Variants in ECPAS observed in about 807,000 individuals in gnomAD.
ECPAS encodes the protein proteasome adapter and scaffold protein ECM29.
Under a neutral mutation model 255.1 loss-of-function variants are expected in ECPAS, and 70 were observed. The ratio of observed to expected loss-of-function variants is 0.27; its 90% confidence interval spans 0.23 to 0.33. The LOEUF (loss-of-function observed/expected upper bound fraction) is 0.33, where lower values mean the gene tolerates loss of function less well. Ranked by LOEUF, ECPAS falls within the 10% of genes least tolerant of loss-of-function variation. The pLI is 1.00. For synonymous variants in ECPAS, 784 were observed against 775.0 expected (o/e 1.01, Z -0.19); for missense variants, 1,817 against 2,206.4 (o/e 0.82, Z 3.54).
At chr9:111,409,483 G>A (rs1453422519) in intron 23 of ECPAS, among the ~76,000 whole-genome samples, 1 of 151,862 alleles carries the variant, frequency 6.6e-6, no homozygotes, top group Non-Finnish European at 1.5e-5. Flanking sequence ...TCACCTGCCT[G>A]AACCTGGGAG....
chr9:111,443,273 C>CA (rs758347061), intron 4 of ECPAS, among the ~76,000 whole-genome samples: 10 of 152,156 alleles, frequency 6.6e-5, no homozygotes, highest in Non-Finnish European at 1.2e-4. Flanking sequence ...TCCCCCAAGA[C>CA]AGAGTCTCGC....
intron 2 of ECPAS, among the ~76,000 whole-genome samples, chr9:111,468,779 G>A (rs1477259828): frequency 6.6e-6 from 1 of 151,158 alleles, no homozygotes; most frequent in Admixed American, 6.7e-5. Context: ...CTAAAGTATA[G>A]GGAATTCACA....
At chr9:111,422,097 C>G (rs904736965) in intron 14 of ECPAS, 37 bp downstream of exon 14, 1 of 1,613,478 alleles carries the variant, frequency 6.2e-7, no homozygotes, top group African/African-American at 1.3e-5. Context: ...GGGGAACATC[C>G]AAACACAAAG....
chr9:111,364,874 C>T (rs1429323823), intron 48 of ECPAS, among the ~76,000 whole-genome samples: 1 of 152,170 alleles, frequency 6.6e-6, no homozygotes, highest in South Asian at 2.1e-4. Context: ...AAACATCAAA[C>T]ACCAAATGAG....
At chr9:111,364,088 G>C (rs560636842) in intron 48 of ECPAS, among the ~76,000 whole-genome samples, 23 of 152,194 alleles carry the variant, frequency 1.5e-4, no homozygotes, top group Non-Finnish European at 2.6e-4. Flanking sequence ...ACTCAGCAAA[G>C]AGAGGTCTGT....
In ECPAS at chr9:111,421,421, G is replaced by T. The variant is rs75858489; in HGVS notation, c.1455+500C>A. 1.2e-3 allele frequency among the ~76,000 whole-genome samples: 182 copies of T among 148,384 alleles called. 2 individuals are homozygous for T. In the East Asian group the frequency reaches 0.033, roughly 27 times the overall value. Reference sequence around the variant, plus strand: ...ACATATTACATATATGTGTGTGTGTGTGTGTGTGTGTGTGTGTGTGTGTGT... The same window carrying T: ...ACATATTACATATATGTGTGTGTGTTTGTGTGTGTGTGTGTGTGTGTGTGT... On this transcript the variant is annotated intron_variant, in intron 15 of 49. Transcript: ENST00000684092.
chr9:111,483,125 G>A (rs2098309138), intron 1 of ECPAS, among the ~76,000 whole-genome samples: 1 of 152,152 alleles, frequency 6.6e-6, no homozygotes, highest in Non-Finnish European at 1.5e-5. Context: ...GGGGACCCGG[G>A]GCCAGGCGGG....
chr9:111,449,840 G>A (rs1038566554), intron 3 of ECPAS, among the ~76,000 whole-genome samples: 1 of 152,008 alleles, frequency 6.6e-6, no homozygotes, highest in Non-Finnish European at 1.5e-5. Context: ...CTCATGCACT[G>A]GGGACATCAC....
intron 2 of ECPAS, among the ~76,000 whole-genome samples, chr9:111,455,341 G>A (rs1439194107): frequency 2.6e-5 from 4 of 152,114 alleles, no homozygotes; most frequent in South Asian, 2.1e-4. Flanking sequence ...AAAATTAGCC[G>A]GGCGTGGTGG....
At chr9:111,441,569 T>A (rs1405930800) in intron 5 of ECPAS, among the ~76,000 whole-genome samples, 1 of 152,188 alleles carries the variant, frequency 6.6e-6, no homozygotes, top group African/African-American at 2.4e-5. Context: ...CATATTAATA[T>A]TTTGAATACA....
intron 2 of ECPAS, among the ~76,000 whole-genome samples, chr9:111,467,769 G>C (rs1271232009): frequency 6.6e-6 from 1 of 152,080 alleles, no homozygotes; most frequent in Non-Finnish European, 1.5e-5. Context: ...ACAGATATAA[G>C]TATATAAAAT....
At position 111,363,646 on chromosome 9, in the gene ECPAS, G is replaced by A. The variant is rs376905301; in HGVS notation, c.5322C>T (p.Tyr1774=). Residue 1774 remains tyrosine, a synonymous_variant, in exon 49 of 50, where the codon TAC becomes TAT. Coordinates refer to ENST00000684092, the MANE Select transcript of ECPAS (RefSeq NM_001364929.1). ...SITYSLENKT[Y]SSVRTEALSV... Reference sequence around the variant, plus strand: ...ATAAAGCTTCTGTTCTCACAGATGAGTAGGTCTTATTTTCTAAAAAGAAAT... The same window carrying A: ...ATAAAGCTTCTGTTCTCACAGATGAATAGGTCTTATTTTCTAAAAAGAAAT... 3 of 1,524,246 alleles carry A rather than the reference G, an allele frequency of 2.0e-6. No individual in the cohort carries two copies. Among genetic ancestry groups the A allele is most frequent in the African/African-American group, 1.4e-5 (1 of 69,796 alleles). 94.4% of individuals were successfully genotyped at this position (1,524,246 alleles called of 1,614,324 possible).
At chr9:111,451,209 G>A (rs949161808) in intron 3 of ECPAS, among the ~76,000 whole-genome samples, 25 of 152,240 alleles carry the variant, frequency 1.6e-4, no homozygotes, top group Admixed American at 6.5e-4. Flanking sequence ...ATCTGACACT[G>A]ATGCCAAGTA....
At chr9:111,447,819 T>C (rs1297920224) in intron 3 of ECPAS, among the ~76,000 whole-genome samples, 1 of 152,096 alleles carries the variant, frequency 6.6e-6, no homozygotes, top group East Asian at 1.9e-4. Flanking sequence ...TTTAAAGTTA[T>C]AATAGAAAGA....
At chr9:111,440,616 G>C in intron 5 of ECPAS, 95 bp from the exon 6 acceptor site, 1 of 972,222 alleles carries the variant, frequency 1.0e-6, no homozygotes, top group East Asian at 2.6e-5. Context: ...AACAAAAACT[G>C]GCAGTTTTAA....
chr9:111,469,544 C>T (rs1255544845), intron 2 of ECPAS, among the ~76,000 whole-genome samples: 1 of 151,888 alleles, frequency 6.6e-6, no homozygotes, highest in Non-Finnish European at 1.5e-5. Context: ...GGCGCGGTGG[C>T]TCACGCCTGT....
chr9:111,378,488 CAGT>C, intron 36 of ECPAS, 89 bp downstream of exon 36: 4 of 1,310,130 alleles, frequency 3.1e-6, no homozygotes, highest in Non-Finnish European at 4.2e-6. Context: ...GTTCTGGTAA[CAGT>C]AGTGACAGTG....
intron 18 of ECPAS, 96 bp from the exon 19 acceptor site, chr9:111,414,747 C>A: frequency 9.2e-7 from 1 of 1,085,472 alleles, no homozygotes; most frequent in Non-Finnish European, 1.3e-6. Context: ...TTTGATTCAC[C>A]CACACTTCTT....
At position 111,448,811 on chromosome 9, in the gene ECPAS, A is replaced by T. The variant is rs563205707; in HGVS notation, c.153+2614T>A. 3.3e-5 allele frequency among the ~76,000 whole-genome samples: 5 copies of T among 152,354 alleles called. No homozygotes were observed. In the East Asian group the frequency reaches 9.6e-4, roughly 29 times the overall value. On this transcript the variant is annotated intron_variant, in intron 3 of 49. Coordinates refer to ENST00000684092, the MANE Select transcript of ECPAS (RefSeq NM_001364929.1). The stretch of plus-strand genomic sequence containing the variant: ...TATCAAATATTTTGAAACTAAAAAC[A>T]ACACTCTTATAAATAAGTCAAAGAT...
Sources: gnomAD v4.1 joint callset for allele counts (sites outside exome capture counted in the v4.1 genomes callset) on GRCh38, gnomAD v4.1.1 for gene constraint, MANE v1.5 for transcripts, NCBI Gene and HGNC (gene_info 2026-07-23, HGNC 2026-07-21) for gene names.